The following LPCAT3 variants were observed in gnomAD, a reference collection of about 807,000 sequenced individuals.
LPCAT3 encodes lysophospholipid acyltransferase 5.
In LPCAT3, 21 loss-of-function variants were observed where a neutral mutation model predicts 63.4. The ratio of observed to expected loss-of-function variants is 0.33; its 90% CI spans 0.23 to 0.48. LPCAT3 has a LOEUF of 0.48. Ranked by LOEUF, LPCAT3 falls within the 20% of genes least tolerant of loss-of-function variation. The probability of loss-of-function intolerance (pLI) is 0.99; values close to 1 mark genes in which losing one functional copy is unlikely to be tolerated. For synonymous variants in LPCAT3, 242 were observed against 227.5 expected (o/e 1.06, Z -0.58); for missense variants, 451 against 590.6 (o/e 0.76, Z 2.45).
At chr12:6,990,543 A>AAATT (rs1410857198) in intron 1 of LPCAT3, among the ~76,000 whole-genome samples, 1 of 143,080 alleles carries the variant, frequency 7.0e-6, no homozygotes, top group Non-Finnish European at 1.6e-5. Context: ...ATAAATAAAT[A>AAATT]AATAAATAAA....
rs1555153337 is a variant in LPCAT3 at position 6,977,187 on chromosome 12, C to T, written c.1423G>A (p.Ala475Thr). ...AACTTCTCTTTCCTTGGCACCATTG[C>T]TTTGTGAATATAAGGCAATATGAAT... is the stretch of plus-strand genomic sequence containing the variant. ...LLFILPYIHK[A>T]MVPRKEKLKK... Residue 475 changes from alanine (A) to threonine (T), a missense_variant, in exon 12 of 13, where the codon GCA (alanine) becomes ACA (threonine). Coordinates refer to ENST00000261407, the MANE Select transcript of LPCAT3 (RefSeq NM_005768.6). The surrounding 1 kb of genome is among the most constrained non-coding windows in gnomAD (Gnocchi z 4.5). 6.2e-7 allele frequency: 1 copy of T among 1,613,684 alleles called. No homozygotes were observed. Among genetic ancestry groups the T allele is most frequent in the Non-Finnish European group, 8.5e-7 (1 of 1,179,610 alleles).
chr12:7,004,147 C>G (rs1555156721), intron 1 of LPCAT3, among the ~76,000 whole-genome samples: 2 of 152,116 alleles, frequency 1.3e-5, no homozygotes, highest in Admixed American at 1.3e-4. Context: ...CATCATTTTA[C>G]TACTACTAAG....
intron 5 of LPCAT3, 96 bp from the exon 6 acceptor site, chr12:6,981,278 G>A: frequency 9.7e-7 from 1 of 1,028,678 alleles, no homozygotes; most frequent in South Asian, 1.6e-5. Context: ...CACTGACTGG[G>A]GTTCTTCAAA....
intron 1 of LPCAT3, among the ~76,000 whole-genome samples, chr12:7,015,091 T>C (rs1385759839): frequency 6.6e-6 from 1 of 152,352 alleles, no homozygotes; most frequent in East Asian, 1.9e-4. Context: ...TTTCTTACGA[T>C]GGATCTTAGT....
intron 1 of LPCAT3, among the ~76,000 whole-genome samples, chr12:7,015,729 T>C (rs71445134): frequency 0.01 from 1,542 of 152,182 alleles, 13 homozygotes; most frequent in Non-Finnish European, 0.016. Context: ...TGGGAAATGG[T>C]AGAATGAGCA....
chr12:7,000,493 C>A lies in LPCAT3; in HGVS notation c.152-16954G>T, dbSNP rs1167576275. Among the ~76,000 whole-genome samples, 3 of 137,952 alleles carry A rather than the reference C, an allele frequency of 2.2e-5. No homozygotes were observed. The Admixed American group carries it at 2.3e-4, about 11-fold the overall frequency. 90.5% of individuals were successfully genotyped at this position (137,952 alleles called of 152,430 possible). On this transcript the variant is annotated intron_variant, in intron 1 of 12. Transcript: ENST00000261407. ...GTCCCAGCTACTCGGGAGGCTGAGG[C>A]AGGAGAATGGCGTGAACCCGGGAGG...
intron 1 of LPCAT3, among the ~76,000 whole-genome samples, chr12:7,003,966 CTT>C (rs1175284140): frequency 6.7e-6 from 1 of 149,738 alleles, no homozygotes; most frequent in Non-Finnish European, 1.5e-5. Flanking sequence ...ACCTAGGATG[CTT>C]ATTAAAAATG....
chr12:7,006,305 G>A (rs1946724237), intron 1 of LPCAT3, among the ~76,000 whole-genome samples: 1 of 152,164 alleles, frequency 6.6e-6, no homozygotes, highest in South Asian at 2.1e-4. Context: ...TGCAACCTCT[G>A]TCTTCCAGGT....
chr12:7,000,832 GGGTAGCTGGGACTACA>G (rs1946680367), intron 1 of LPCAT3, among the ~76,000 whole-genome samples: 1 of 151,396 alleles, frequency 6.6e-6, no homozygotes, highest in African/African-American at 2.4e-5. Flanking sequence ...TCAGCCTCCT[GGGTAGCTGGGACTACA>G]GGTGCCCGCC....
chr12:6,995,250 C>T (rs1212825786), intron 1 of LPCAT3, among the ~76,000 whole-genome samples: 2 of 151,848 alleles, frequency 1.3e-5, no homozygotes, highest in African/African-American at 4.8e-5. Context: ...CCAAGGCAGG[C>T]GGATCACCAG....
At chr12:7,013,690 A>G (rs782428916) in intron 1 of LPCAT3, among the ~76,000 whole-genome samples, 1 of 152,288 alleles carries the variant, frequency 6.6e-6, no homozygotes, top group East Asian at 1.9e-4. Context: ...AGACCATCTC[A>G]CAGGAGATGC....
chr12:7,015,238 G>A (rs1946790387), intron 1 of LPCAT3, among the ~76,000 whole-genome samples: 2 of 152,232 alleles, frequency 1.3e-5, no homozygotes, highest in Non-Finnish European at 2.9e-5. Flanking sequence ...TTGAAAATGT[G>A]AATGATATAC....
chr12:6,982,028 T>A, intron 3 of LPCAT3, 124 bp from the exon 4 acceptor site: 1 of 638,634 alleles, frequency 1.6e-6, no homozygotes, highest in Non-Finnish European at 2.8e-6. Flanking sequence ...AATAAATTCC[T>A]ACAAATGGAG....
chr12:7,013,915 C>T (rs1946781579), intron 1 of LPCAT3, among the ~76,000 whole-genome samples: 1 of 152,098 alleles, frequency 6.6e-6, no homozygotes, highest in East Asian at 1.9e-4. Flanking sequence ...TAACTCTTTA[C>T]CTTGGCTTTA....
At chr12:6,986,258 G>A (rs1254701290) in intron 1 of LPCAT3, among the ~76,000 whole-genome samples, 2 of 152,046 alleles carry the variant, frequency 1.3e-5, no homozygotes, top group African/African-American at 2.4e-5. Context: ...CTCCTTGCCT[G>A]CTCAACCTGA....
At chr12:6,998,022 T>C (rs1230447961) in intron 1 of LPCAT3, among the ~76,000 whole-genome samples, 1 of 152,042 alleles carries the variant, frequency 6.6e-6, no homozygotes, top group African/African-American at 2.4e-5. Context: ...CCCTAGTCAG[T>C]GTGTGTGTTT....
chr12:7,011,316 G>GT (rs1422281438), intron 1 of LPCAT3, among the ~76,000 whole-genome samples: 1 of 152,164 alleles, frequency 6.6e-6, no homozygotes, highest in Non-Finnish European at 1.5e-5. Flanking sequence ...GGTTACAGGC[G>GT]TAAGCCACCG....
At chr12:6,988,227 C>G (rs1946547641) in intron 1 of LPCAT3, 1 of 160,808 alleles carries the variant, frequency 6.2e-6, no homozygotes, top group Admixed American at 6.4e-5. Context: ...TGCACACTAG[C>G]AAACACATGA....
chr12:7,005,726 A>G (rs782332337), intron 1 of LPCAT3, among the ~76,000 whole-genome samples: 12 of 152,348 alleles, frequency 7.9e-5, no homozygotes, highest in Non-Finnish European at 1.6e-4. Flanking sequence ...GGCCATGTAT[A>G]TGTCTCTTTT....
Sources: allele counts gnomAD v4.1 joint callset (sites outside exome capture counted in the v4.1 genomes callset), GRCh38; gene constraint gnomAD v4.1.1; non-coding constraint Gnocchi (gnomAD v3.1); transcripts MANE v1.5; gene names NCBI Gene and HGNC (gene_info 2026-07-23, HGNC 2026-07-21).